The following CDO1 variants were observed in gnomAD, a reference collection of about 807,000 sequenced individuals.
CDO1 encodes the protein cysteine dioxygenase type 1.
CDO1 carries 19 observed loss-of-function variants against 24.5 expected under a neutral mutation model. That is an observed-to-expected ratio of 0.77 (90% confidence interval 0.54 to 1.14). CDO1 has a LOEUF of 1.14. CDO1 is among the 50% of genes most tolerant of loss of function. The pLI, the probability that CDO1 is intolerant of heterozygous loss-of-function variation, is 0.00. For missense variants in CDO1, 244 were observed against 244.8 expected (o/e 1.00, Z 0.02); for synonymous variants, 91 against 87.0 (o/e 1.05, Z -0.26).
intron 1 of CDO1, 24 bp downstream of exon 1, chr5:115,816,204 G>T: frequency 1.2e-6 from 2 of 1,603,424 alleles, no homozygotes; most frequent in East Asian, 2.3e-5. Flanking sequence ...GCGCCGCCTG[G>T]CATTGAAGCT....
intron 2 of CDO1, among the ~76,000 whole-genome samples, 197 bp downstream of exon 2, chr5:115,812,984 T>G (rs1273402192): frequency 6.8e-6 from 1 of 146,718 alleles, no homozygotes; most frequent in African/African-American, 2.6e-5. Flanking sequence ...GAGGCAGAAG[T>G]TGCAGTGAGC....
Position 115,806,361 on chromosome 5 carries a change from G to T in CDO1, c.561C>A (p.Ile187=). Residue 187 remains isoleucine, a synonymous_variant, in exon 4 of 5, where the codon ATC becomes ATA. Transcript: ENST00000250535. The part of the protein sequence containing the change: ...VTMTFHSKFG[I]RTPNATSGSL... ...AAATTATACTCACATTTGGAGTTCT[G>T]ATTCCAAATTTACTATGGAATGTCA... 6.2e-7 allele frequency: 1 copy of T among 1,605,428 alleles called. No individual in the cohort carries two copies. The highest frequency in any genetic ancestry group is 1.1e-5 in the South Asian group (1 of 89,012).
intron 3 of CDO1, among the ~76,000 whole-genome samples, chr5:115,810,613 GA>G (rs1370015947): frequency 6.6e-6 from 1 of 152,134 alleles, no homozygotes; most frequent in Admixed American, 6.5e-5. Flanking sequence ...TAGGAATATG[GA>G]AATTAATCAC....
intron 3 of CDO1, among the ~76,000 whole-genome samples, chr5:115,808,302 A>G (rs1443965067): frequency 6.6e-6 from 1 of 152,166 alleles, no homozygotes; most frequent in East Asian, 1.9e-4. Context: ...TGATAAGAAC[A>G]CTAGAAACTA....
intron 3 of CDO1, chr5:115,809,782 A>T (rs1344335427): frequency 2.0e-5 from 3 of 152,160 alleles, no homozygotes; most frequent in African/African-American, 7.2e-5. Context: ...ATCCCACCGA[A>T]TATTTTAATA....
chr5:115,809,876 C>T (rs1429783263), intron 3 of CDO1, among the ~76,000 whole-genome samples: 7 of 152,136 alleles, frequency 4.6e-5, no homozygotes, highest in Non-Finnish European at 8.8e-5. Flanking sequence ...GCTGGGTGGC[C>T]ACTGCTGTCA....
chr5:115,816,271 C>A lies in CDO1; in HGVS notation c.127G>T (p.Asp43Tyr). ...GCGTACATTGCCCACTCGGTGGGGT[C>A]GCTCTCGTAGGCTTCCATGATGGCC... ...VQAIMEAYES[D>Y]PTEWAMYAKF... Residue 43 changes from aspartate to tyrosine, a missense_variant, in exon 1 of 5, where the codon GAC becomes TAC. Transcript: ENST00000250535. 1 of 1,614,222 alleles carries A rather than the reference C, an allele frequency of 6.2e-7. No homozygotes were observed. Among genetic ancestry groups the A allele is most frequent in the Non-Finnish European group, 8.5e-7 (1 of 1,180,040 alleles).
At chr5:115,809,188 C>A (rs983517521) in intron 3 of CDO1, among the ~76,000 whole-genome samples, 1 of 152,144 alleles carries the variant, frequency 6.6e-6, no homozygotes, top group Non-Finnish European at 1.5e-5. Flanking sequence ...CCTGCAAAAA[C>A]AAGACACCCA....
rs77824590 is a variant in CDO1 at position 115,815,028 on chromosome 5, A to T, written c.170+1200T>A. 2.5e-3 allele frequency among the ~76,000 whole-genome samples: 384 copies of T among 152,312 alleles called. 1 individual carries two copies. The highest frequency in any genetic ancestry group is 8.4e-3 in the African/African-American group (351 of 41,572). On this transcript the variant is annotated intron_variant, in intron 1 of 4. Transcript: ENST00000250535. ...ATTTCCTCAAGTCACTTGTATATGA[A>T]AAATGGGATCCTTAGTGGTCTTCAC...
Position 115,813,272 on chromosome 5 carries a change from A to C in CDO1, c.171-14T>G. On this transcript the variant is annotated splice_polypyrimidine_tract_variant and intron_variant, in intron 1 of 4. Transcript: ENST00000250535. Reference sequence around the variant, plus strand: ...TTTCGGGTATACCTAAAAAAAAACAATATATTCAGAAGTTTTAAGTTCGTT... The same window carrying C: ...TTTCGGGTATACCTAAAAAAAAACACTATATTCAGAAGTTTTAAGTTCGTT... 1 of 1,423,934 alleles carries C rather than the reference A, an allele frequency of 7.0e-7. No homozygotes were observed. Among genetic ancestry groups the C allele is most frequent in the African/African-American group, 1.4e-5 (1 of 71,094 alleles). 88.2% of individuals were successfully genotyped at this position (1,423,934 alleles called of 1,614,324 possible).
intron 1 of CDO1, 147 bp downstream of exon 1, chr5:115,816,081 C>G (rs1172431273): frequency 5.9e-6 from 4 of 680,640 alleles, no homozygotes; most frequent in African/African-American, 5.6e-5. Context: ...GTGCCAGCCC[C>G]GCGGCTGGCC....
intron 1 of CDO1, chr5:115,814,266 C>T (rs1405056608): frequency 6.6e-6 from 1 of 152,176 alleles, no homozygotes; most frequent in Non-Finnish European, 1.5e-5. Flanking sequence ...TATGACCTAA[C>T]AAGAAGCTGT....
At chr5:115,807,677 GAA>G (rs796686450) in intron 3 of CDO1, among the ~76,000 whole-genome samples, 1 of 113,030 alleles carries the variant, frequency 8.8e-6, no homozygotes. Flanking sequence ...AAAAGAAAGA[GAA>G]AAAAAAAAAA....
At position 115,816,440 on chromosome 5, in the gene CDO1, C is replaced by G. The variant is rs1195032827; in HGVS notation, c.-43G>C. ...GCGCGCGCGTCTCACTGCTGGGCTG[C>G]GGTGGAGGAGCTGAGCGAGCCAAGG... On this transcript the variant is annotated 5_prime_UTR_variant, in exon 1 of 5. Transcript: ENST00000250535. 2.5e-6 allele frequency: 4 copies of G among 1,602,550 alleles called. No homozygotes were observed. The highest frequency in any genetic ancestry group is 1.7e-5 in the Admixed American group (1 of 59,834).
At position 115,816,553 on chromosome 5, in the gene CDO1, G is replaced by C. The variant is rs966645066; in HGVS notation, c.-156C>G. 1.3e-6 allele frequency: 1 copy of C among 795,816 alleles called. No homozygotes were observed. Among genetic ancestry groups the C allele is most frequent in the African/African-American group, 1.7e-5 (1 of 57,532 alleles). The allele number at this position is 795,816 out of a possible 1,614,324, so 49.3% of individuals were successfully genotyped here. A position where few individuals can be genotyped will look rare whatever the true frequency, so the allele number is the denominator to read the frequency against. ...CAGCATTAGAGTGCCGAAACGTAAG[G>C]ATGTCGTCGCAGAGACAGCAAGAGA... On this transcript the variant is annotated 5_prime_UTR_variant, in exon 1 of 5. It adds an upstream start codon to the 5' untranslated region. Coordinates refer to ENST00000250535, the MANE Select transcript of CDO1 (RefSeq NM_001801.3).
chr5:115,814,919 G>GA (rs1760362612), intron 1 of CDO1, among the ~76,000 whole-genome samples: 1 of 152,158 alleles, frequency 6.6e-6, no homozygotes, highest in Admixed American at 6.5e-5. Flanking sequence ...GCAAATGCAA[G>GA]AAAATTTAAA....
chr5:115,809,122 A>G (rs1482731071), intron 3 of CDO1, among the ~76,000 whole-genome samples: 2 of 152,206 alleles, frequency 1.3e-5, no homozygotes, highest in Admixed American at 1.3e-4. Flanking sequence ...ACAAATGTTC[A>G]ACACTGCAGG....
chr5:115,808,003 AG>A (rs1040787035), intron 3 of CDO1, among the ~76,000 whole-genome samples: 88 of 152,234 alleles, frequency 5.8e-4, no homozygotes, highest in African/African-American at 2.1e-3. Context: ...AAACAAAAAC[AG>A]GGTCTCATTC....
At chr5:115,809,284 C>A (rs1166730819) in intron 3 of CDO1, among the ~76,000 whole-genome samples, 1 of 151,860 alleles carries the variant, frequency 6.6e-6, no homozygotes, top group Non-Finnish European at 1.5e-5. Flanking sequence ...TCATGGTGTA[C>A]CCTCTGTCAC....
Sources: allele counts gnomAD v4.1 joint callset (sites outside exome capture counted in the v4.1 genomes callset), GRCh38; gene constraint gnomAD v4.1.1; transcripts MANE v1.5; gene names NCBI Gene and HGNC (gene_info 2026-07-23, HGNC 2026-07-21).